Variants in SPON1 observed in about 807,000 individuals in gnomAD.
The protein encoded by SPON1 is spondin 1.
A neutral mutation model predicts 111.7 loss-of-function variants in SPON1; 52 were observed. The ratio of observed to expected loss-of-function variants is 0.47; its 90% CI spans 0.37 to 0.59. The LOEUF (loss-of-function observed/expected upper bound fraction) is 0.59, where lower values mean the gene tolerates loss of function less well. SPON1 is among the 20% of genes least tolerant of loss of function. The pLI is 0.00. For missense variants in SPON1, 957 were observed against 1,068.5 expected (o/e 0.90, Z 1.46); for synonymous variants, 410 against 395.8 (o/e 1.04, Z -0.43).
intron 1 of SPON1, among the ~76,000 whole-genome samples, chr11:13,975,303 A>G (rs528098673): frequency 6.6e-6 from 1 of 152,210 alleles, no homozygotes; most frequent in Non-Finnish European, 1.5e-5. Flanking sequence ...AGGGAGGTTG[A>G]TGTATTGCTC....
intron 6 of SPON1, among the ~76,000 whole-genome samples, chr11:14,153,633 C>T (rs1847811116): frequency 6.6e-6 from 1 of 152,124 alleles, no homozygotes; most frequent in Admixed American, 6.6e-5. Context: ...TATCATTCTG[C>T]CCCTGGCCCC....
chr11:14,077,502 G>A (rs1212094706), intron 4 of SPON1, among the ~76,000 whole-genome samples: 6 of 151,050 alleles, frequency 4.0e-5, no homozygotes, highest in Non-Finnish European at 7.4e-5. Flanking sequence ...GCACGATCTC[G>A]GCTCACTGCA....
At chr11:14,168,971 T>C (rs1288751521) in intron 6 of SPON1, among the ~76,000 whole-genome samples, 2 of 152,210 alleles carry the variant, frequency 1.3e-5, no homozygotes, top group Non-Finnish European at 1.5e-5. Context: ...TATGTGTGCA[T>C]GTGTCTTTAT....
Position 13,982,940 on chromosome 11 carries a change from C to T in SPON1, c.332C>T (p.Ala111Val). ...NREGDKEEDH[A>V]GTFQIIDEEE... is the part of the protein sequence containing the mutation. Reference sequence around the variant, plus strand: ...GAGGGTGATAAGGAAGAAGACCATGCTGGGACCTTCCAGGTAAGACCCTGC... The same window carrying T: ...GAGGGTGATAAGGAAGAAGACCATGTTGGGACCTTCCAGGTAAGACCCTGC... The change falls in exon 2 of 16, where the codon GCT becomes GTT. Residue 111 changes from alanine (A) to valine (V), a missense_variant. Coordinates refer to ENST00000576479, the MANE Select transcript of SPON1 (RefSeq NM_006108.4). The T allele has an allele frequency of 6.4e-7, 1 of 1,552,468 alleles. No individual in the cohort carries two copies. The highest frequency in any genetic ancestry group is 8.7e-7 in the Non-Finnish European group (1 of 1,146,278).
chr11:14,192,706 A>G (rs1387971706), intron 6 of SPON1, among the ~76,000 whole-genome samples: 1 of 151,604 alleles, frequency 6.6e-6, no homozygotes, highest in Non-Finnish European at 1.5e-5. Context: ...GGACAAAGAC[A>G]AGGCTTAGGA....
chr11:14,216,394 A>G (rs1848626732), intron 6 of SPON1, among the ~76,000 whole-genome samples: 1 of 152,206 alleles, frequency 6.6e-6, no homozygotes, highest in South Asian at 2.1e-4. Flanking sequence ...GCCTCCCCCC[A>G]TGAGGAGTAG....
intron 6 of SPON1, among the ~76,000 whole-genome samples, chr11:14,162,410 A>G (rs1554931484): frequency 6.6e-6 from 1 of 152,188 alleles, no homozygotes; most frequent in Non-Finnish European, 1.5e-5. Flanking sequence ...TATGTCAAAT[A>G]GTTTAACTTA....
At chr11:14,212,007 GT>G (rs1848581853) in intron 6 of SPON1, among the ~76,000 whole-genome samples, 1 of 151,936 alleles carries the variant, frequency 6.6e-6, no homozygotes, top group African/African-American at 2.4e-5. Context: ...TCTTTATCAA[GT>G]TAAGGTAGTA....
chr11:14,265,452 GTTCTAC>G, intron 15 of SPON1, 66 bp from the exon 16 acceptor site: 1 of 1,503,630 alleles, frequency 6.7e-7, no homozygotes. Context: ...ACATTTCACA[GTTCTAC>G]TAGAGTTCAG....
At chr11:14,254,454 C>T (rs1172670792) in intron 7 of SPON1, 74 bp from the exon 8 acceptor site, 7 of 1,303,620 alleles carry the variant, frequency 5.4e-6, no homozygotes, top group Non-Finnish European at 7.4e-6. Context: ...TCTTCATAAT[C>T]CAGGCAGATT....
At chr11:14,191,037 T>C (rs1166041382) in intron 6 of SPON1, among the ~76,000 whole-genome samples, 9 of 152,184 alleles carry the variant, frequency 5.9e-5, no homozygotes, top group Non-Finnish European at 1.3e-4. Context: ...AAGAGCATTG[T>C]TCTAAAGCTT....
At chr11:13,995,739 A>G (rs1554911730) in intron 2 of SPON1, among the ~76,000 whole-genome samples, 1 of 152,210 alleles carries the variant, frequency 6.6e-6, no homozygotes, top group African/African-American at 2.4e-5. Flanking sequence ...CTGGTGGATC[A>G]CAGATAGGTT....
At chr11:14,202,398 A>G (rs1356280892) in intron 6 of SPON1, among the ~76,000 whole-genome samples, 4 of 152,190 alleles carry the variant, frequency 2.6e-5, no homozygotes, top group Non-Finnish European at 5.9e-5. Flanking sequence ...GGACCTCCCC[A>G]TCATGTCCAT....
chr11:14,203,752 T>A (rs1373579248), intron 6 of SPON1, among the ~76,000 whole-genome samples: 3 of 151,734 alleles, frequency 2.0e-5, no homozygotes, highest in African/African-American at 7.3e-5. Context: ...TTGCCCAGAG[T>A]CTCCAAATAG....
chr11:14,128,314 T>G (rs959789742), intron 5 of SPON1, among the ~76,000 whole-genome samples: 1 of 152,104 alleles, frequency 6.6e-6, no homozygotes, highest in African/African-American at 2.4e-5. Context: ...AGGAATTGGG[T>G]AGATGCTCCC....
At position 14,190,981 on chromosome 11, in the gene SPON1, G is replaced by A. The variant is rs868916445; in HGVS notation, c.826-52351G>A. ...TTTAAATAATGCTGAAAACAAAAAA[G>A]AAAAAAGCACTTACAATCCCATCAC... On this transcript the variant is annotated intron_variant, in intron 6 of 15. Coordinates refer to ENST00000576479, the MANE Select transcript of SPON1 (RefSeq NM_006108.4). Among the ~76,000 whole-genome samples the A allele has an allele frequency of 1.8e-3, 269 of 151,770 alleles. 2 individuals are homozygous for A. Among genetic ancestry groups the A allele is most frequent in the African/African-American group, 5.8e-3 (239 of 41,226 alleles).
At chr11:13,964,248 G>A (rs1334993722) in intron 1 of SPON1, among the ~76,000 whole-genome samples, 2 of 152,260 alleles carry the variant, frequency 1.3e-5, no homozygotes, top group African/African-American at 4.8e-5. Context: ...CCGCCAGGGA[G>A]CGTGTCCTCT....
intron 14 of SPON1, 106 bp from the exon 15 acceptor site, chr11:14,262,606 C>T (rs1386276767): frequency 3.5e-6 from 5 of 1,410,846 alleles, no homozygotes; most frequent in African/African-American, 1.4e-5. Context: ...CATGACACAG[C>T]ACCTGCTTTG....
At chr11:14,031,415 T>C (rs1850041995) in intron 2 of SPON1, among the ~76,000 whole-genome samples, 1 of 152,206 alleles carries the variant, frequency 6.6e-6, no homozygotes, top group Non-Finnish European at 1.5e-5. Flanking sequence ...AGCCTAAATC[T>C]TTACAGTTTA....
Sources: allele counts gnomAD v4.1 joint callset (sites outside exome capture counted in the v4.1 genomes callset), GRCh38; gene constraint gnomAD v4.1.1; transcripts MANE v1.5; gene names NCBI Gene and HGNC (gene_info 2026-07-23, HGNC 2026-07-21).